PCDHGA10: variants seen among roughly 807,000 people sequenced by gnomAD.
PCDHGA10 encodes protocadherin gamma-A10.
PCDHGA10 carries 42 observed loss-of-function variants against 59.5 expected under a neutral mutation model. That is an observed-to-expected ratio of 0.71 (90% CI 0.55 to 0.91). The LOEUF (loss-of-function observed/expected upper bound fraction) is 0.91. Ranked by LOEUF, PCDHGA10 falls within the 40% of genes least tolerant of loss-of-function variation. The probability of loss-of-function intolerance (pLI) is 0.00; values close to 1 mark genes in which losing one functional copy is unlikely to be tolerated. For synonymous variants in PCDHGA10, 511 were observed against 517.2 expected, an observed-to-expected ratio of 0.99 and a Z score of 0.16; for missense variants, 1,111 against 1,198.2, an observed-to-expected ratio of 0.93 and a Z score of 1.07.
At chr5:141,438,960 C>A (rs1398478011) in intron 1 of PCDHGA10, among the ~76,000 whole-genome samples, 1 of 151,940 alleles carries the variant, frequency 6.6e-6, no homozygotes, top group Non-Finnish European at 1.5e-5. Flanking sequence ...GCCACCGCAC[C>A]CTGCCAACTG....
rs376773009 is a variant in PCDHGA10, at chr5:141,511,838, C to T, written c.*665C>T. 64 of 156,854 alleles carry T rather than the reference C, an allele frequency of 4.1e-4. No homozygotes were observed. Among genetic ancestry groups the T allele is most frequent in the Non-Finnish European group, 6.8e-4 (48 of 70,726 alleles). The allele number at this position is 156,854 out of a possible 1,614,324, so 9.7% of individuals were successfully genotyped here. A position where few individuals can be genotyped will look rare whatever the true frequency, so the allele number is the denominator to read the frequency against. ...TCTTCCCAACGCCCTGGGGACCAGTCTTCTGTTTTGTTTTTCATTGTTTGA... is the reference window on the plus strand; with the variant it reads ...TCTTCCCAACGCCCTGGGGACCAGTTTTCTGTTTTGTTTTTCATTGTTTGA... On this transcript the variant is annotated 3_prime_UTR_variant, in exon 4 of 4. Transcript: ENST00000398610.
At position 141,431,245 on chromosome 5, in the gene PCDHGA10, C is replaced by T; in HGVS notation, c.2436+15634C>T. The T allele has an allele frequency of 1.2e-6, 2 of 1,614,134 alleles. No individual in the cohort carries two copies. The highest frequency in any genetic ancestry group is 1.7e-6 in the Non-Finnish European group (2 of 1,180,038). ...TACCCCACGCCTGGGATCCGGATATCGGGAAGAACTCTCTGCAGAGCTACG... is the reference window on the plus strand; with the variant it reads ...TACCCCACGCCTGGGATCCGGATATTGGGAAGAACTCTCTGCAGAGCTACG... On this transcript the variant is annotated intron_variant, in intron 1 of 3. Transcript: ENST00000398610. This position sits in a 1 kb window ranked among gnomAD's most constrained non-coding sequence, Gnocchi z 4.8.
rs1195194477 is a variant in PCDHGA10, at chr5:141,432,620, C to G, written c.2436+17009C>G. On this transcript the variant is annotated intron_variant, in intron 1 of 3. Transcript: ENST00000398610. The surrounding 1 kb of genome is among the most constrained non-coding windows in gnomAD (Gnocchi z 6.0). ...CGAGCCGGGACTCTTCTCGGTGGGTCTGCACACGGGCGAGGTGCGCACGGC... is the reference window on the plus strand; with the variant it reads ...CGAGCCGGGACTCTTCTCGGTGGGTGTGCACACGGGCGAGGTGCGCACGGC... 6 of 1,613,190 alleles carry G rather than the reference C, an allele frequency of 3.7e-6. No individual in the cohort carries two copies. Among genetic ancestry groups the G allele is most frequent in the Admixed American group, 1.7e-5 (1 of 59,978 alleles).
In PCDHGA10 at chr5:141,413,208, A is replaced by G. The variant is rs532127106; in HGVS notation, c.33A>G (p.Ser11=). The G allele has an allele frequency of 3.5e-5, 57 of 1,612,984 alleles. No individual in the cohort carries two copies. The African/African-American group carries it at 5.2e-4, about 15-fold the overall frequency. The change falls in exon 1 of 4, where the codon TCA becomes TCG. Residue 11 remains serine (S), a synonymous_variant. Coordinates refer to ENST00000398610, the MANE Select transcript of PCDHGA10 (RefSeq NM_018913.3). The part of the protein sequence containing the change: MAAQRNRSKE[S]KDCSGLVLLC... ...CTCAAAGGAATCGCTCAAAGGAATC[A>G]AAGGATTGCAGCGGGCTGGTCCTGC... is the stretch of plus-strand genomic sequence containing the variant.
chr5:141,480,250 A>T (rs2099515553), intron 1 of PCDHGA10, among the ~76,000 whole-genome samples: 2 of 151,988 alleles, frequency 1.3e-5, no homozygotes, highest in African/African-American at 4.8e-5. Context: ...CAAAAAAAAA[A>T]AAAAATGTGT....
At chr5:141,418,717 C>G in intron 1 of PCDHGA10, 2 of 1,613,938 alleles carry the variant, frequency 1.2e-6, no homozygotes, top group Non-Finnish European at 1.7e-6. Context: ...GTGTGGCTGA[C>G]AAAGCTCAGC....
chr5:141,501,390 T>TCAC (rs1033806087), intron 2 of PCDHGA10, among the ~76,000 whole-genome samples: 4 of 151,794 alleles, frequency 2.6e-5, no homozygotes, highest in African/African-American at 9.7e-5. Flanking sequence ...CTAGGTCCTG[T>TCAC]CACAGGCCAC....
At chr5:141,498,073 T>C (rs1474889879) in intron 2 of PCDHGA10, among the ~76,000 whole-genome samples, 1 of 152,214 alleles carries the variant, frequency 6.6e-6, no homozygotes, top group Non-Finnish European at 1.5e-5. Context: ...CTGTCATAAG[T>C]GCTAGGTAGA....
rs767577725 is a variant in PCDHGA10 at position 141,485,642 on chromosome 5, G to T, written c.2437-9165G>T. 4.3e-6 allele frequency: 7 copies of T among 1,612,162 alleles called. No homozygotes were observed. The highest frequency in any genetic ancestry group is 1.7e-5 in the Admixed American group (1 of 59,938). ...AGGACAGCGTTTCCCGTTGGAAAAGGCTCAGGATGCAGATGTGGGGAGCAA... is the reference window on the plus strand; with the variant it reads ...AGGACAGCGTTTCCCGTTGGAAAAGTCTCAGGATGCAGATGTGGGGAGCAA... On this transcript the variant is annotated intron_variant, in intron 1 of 3. Coordinates refer to ENST00000398610, the MANE Select transcript of PCDHGA10 (RefSeq NM_018913.3). This position sits in a 1 kb window ranked among gnomAD's most constrained non-coding sequence, Gnocchi z 5.7.
In PCDHGA10 at chr5:141,413,686, C is replaced by T; in HGVS notation, c.511C>T (p.Leu171=). The change falls in exon 1 of 4, where the codon CTG becomes TTG. Residue 171 remains leucine (L), a synonymous_variant. Transcript: ENST00000398610. ...AIDPDVGVNS[L]QSYQLSPNKH... The stretch of plus-strand genomic sequence containing the variant: ...TGATCCGGATGTGGGCGTGAACTCC[C>T]TGCAGAGCTATCAGCTCAGCCCCAA... 2.5e-6 allele frequency: 4 copies of T among 1,613,812 alleles called. No individual in the cohort carries two copies. The highest frequency in any genetic ancestry group is 3.4e-6 in the Non-Finnish European group (4 of 1,179,888).
chr5:141,447,427 C>T (rs752438597), intron 1 of PCDHGA10, among the ~76,000 whole-genome samples: 2 of 152,174 alleles, frequency 1.3e-5, no homozygotes, highest in Non-Finnish European at 2.9e-5. Context: ...CGTGAGCCAC[C>T]GCACCCGGAG....
chr5:141,487,933 A>ACCCTGTG lies in PCDHGA10; in HGVS notation c.2437-6873_2437-6872insCCTGTGC. 1.6e-6 allele frequency: 1 copy of ACCCTGTG among 612,004 alleles called. No individual in the cohort carries two copies. The highest frequency in any genetic ancestry group is 1.8e-5 in the African/African-American group (1 of 54,216). The allele number at this position is 612,004 out of a possible 1,614,324, so 37.9% of individuals were successfully genotyped here. On this transcript the variant is annotated intron_variant, in intron 1 of 3. Coordinates refer to ENST00000398610, the MANE Select transcript of PCDHGA10 (RefSeq NM_018913.3). The surrounding 1 kb of genome is among the most constrained non-coding windows in gnomAD (Gnocchi z 5.0). ...CACAGGAGGCTACAGTGCACAGGGT[A>ACCCTGTG]CAGTGCACCAGGCAGTCACTTGGAC... is the stretch of plus-strand genomic sequence containing the variant.
rs1231863269 is a variant in PCDHGA10 at position 141,485,594 on chromosome 5, G to A, written c.2437-9213G>A. 1.9e-6 allele frequency: 3 copies of A among 1,612,578 alleles called. No individual in the cohort carries two copies. The highest frequency in any genetic ancestry group is 2.5e-6 in the Non-Finnish European group (3 of 1,178,798). On this transcript the variant is annotated intron_variant, in intron 1 of 3. Transcript: ENST00000398610. The surrounding 1 kb of genome is among the most constrained non-coding windows in gnomAD (Gnocchi z 5.7). ...TTTTCCGCGGCAGCAGCTGGACTTGGAAATTGGGGAGGCAGCTCCTCCAGG... is the reference window on the plus strand; with the variant it reads ...TTTTCCGCGGCAGCAGCTGGACTTGAAAATTGGGGAGGCAGCTCCTCCAGG...
intron 1 of PCDHGA10, chr5:141,468,682 C>A (rs377685711): frequency 4.6e-5 from 7 of 151,296 alleles, no homozygotes; most frequent in African/African-American, 1.7e-4. Context: ...CTGGCTAACA[C>A]GGTGAAACCC....
At chr5:141,419,302 C>T in intron 1 of PCDHGA10, 1 of 1,614,024 alleles carries the variant, frequency 6.2e-7, no homozygotes, top group East Asian at 2.2e-5. Context: ...ACCCAGACTT[C>T]GGGCTCAACG....
At chr5:141,461,861 T>C (rs1445632008) in intron 1 of PCDHGA10, among the ~76,000 whole-genome samples, 8 of 152,182 alleles carry the variant, frequency 5.3e-5, no homozygotes, top group Middle Eastern at 3.4e-3. Flanking sequence ...TTTGCTCTTG[T>C]TGCCCAGGCT....
intron 1 of PCDHGA10, chr5:141,427,958 G>T: frequency 6.3e-7 from 1 of 1,588,408 alleles, no homozygotes; most frequent in Non-Finnish European, 8.6e-7. Flanking sequence ...ACAATGTGCC[G>T]CGGGTGCTGT....
chr5:141,473,263 T>C (rs2099318134), intron 1 of PCDHGA10, among the ~76,000 whole-genome samples: 1 of 152,210 alleles, frequency 6.6e-6, no homozygotes, highest in African/African-American at 2.4e-5. Context: ...GTCCTTAGTG[T>C]ATGCTATGAT....
At chr5:141,482,809 T>C (rs1295469639) in intron 1 of PCDHGA10, among the ~76,000 whole-genome samples, 1 of 152,170 alleles carries the variant, frequency 6.6e-6, no homozygotes, top group Non-Finnish European at 1.5e-5. Flanking sequence ...CGGTGGCTCA[T>C]GCCTGTAATC....
Sources: gnomAD v4.1 joint callset for allele counts (sites outside exome capture counted in the v4.1 genomes callset) on GRCh38, gnomAD v4.1.1 for gene constraint, Gnocchi (gnomAD v3.1) non-coding constraint, MANE v1.5 for transcripts, NCBI Gene and HGNC (gene_info 2026-07-23, HGNC 2026-07-21) for gene names.